The following VCAN variants were observed in gnomAD, a reference collection of about 807,000 sequenced individuals.
The protein encoded by VCAN is versican core protein.
A neutral mutation model predicts 245.5 loss-of-function variants in VCAN; 44 were observed. The observed-to-expected ratio is 0.18, with a 90% confidence interval of 0.14 to 0.23. The LOEUF is 0.23. Ranked by LOEUF, VCAN falls within the 10% of genes least tolerant of loss-of-function variation. The pLI is 1.00. For synonymous variants in VCAN, 1,413 were observed against 1,437.0 expected, an observed-to-expected ratio of 0.98 and a Z score of 0.38; for missense variants, 3,793 against 4,057.9, an observed-to-expected ratio of 0.93 and a Z score of 1.77.
intron 5 of VCAN, among the ~76,000 whole-genome samples, chr5:83,509,545 A>T (rs115781605): frequency 2.4e-4 from 37 of 152,296 alleles, no homozygotes; most frequent in African/African-American, 8.9e-4. Flanking sequence ...AATTAATTAT[A>T]TTTCTTTGCC....
chr5:83,500,454 G>A (rs1425806282), intron 5 of VCAN, among the ~76,000 whole-genome samples: 1 of 152,178 alleles, frequency 6.6e-6, no homozygotes, highest in Non-Finnish European at 1.5e-5. Flanking sequence ...TCCTTATACA[G>A]TGTAGTGACT....
At chr5:83,477,994 G>A (rs1744459789) in intron 1 of VCAN, among the ~76,000 whole-genome samples, 1 of 148,690 alleles carries the variant, frequency 6.7e-6, no homozygotes, top group Non-Finnish European at 1.5e-5. Context: ...TCAGGTTGGA[G>A]TGCAGTGGCA....
rs1421439408 is a variant in VCAN, at chr5:83,580,888, C to T, written c.*454C>T. 4.6e-6 allele frequency: 1 copy of T among 217,336 alleles called. No homozygotes were observed. Among genetic ancestry groups the T allele is most frequent in the Non-Finnish European group, 9.3e-6 (1 of 107,570 alleles). 13.5% of individuals were successfully genotyped at this position (217,336 alleles called of 1,614,324 possible). ...TAGAGGTCTTTAATCATTGGTTCGG[C>T]TGCTTTTATGTAGTTTAGGCTGGAA... On this transcript the variant is annotated 3_prime_UTR_variant, in exon 15 of 15. Coordinates refer to ENST00000265077, the MANE Select transcript of VCAN (RefSeq NM_004385.5).
intron 1 of VCAN, among the ~76,000 whole-genome samples, chr5:83,480,027 C>A (rs1266609835): frequency 1.3e-5 from 2 of 152,268 alleles, no homozygotes; most frequent in East Asian, 3.9e-4. Context: ...CATGATCAGC[C>A]AGCTGAAATA....
chr5:83,569,453 T>C (rs911969781), intron 12 of VCAN, among the ~76,000 whole-genome samples: 3 of 152,186 alleles, frequency 2.0e-5, no homozygotes, highest in African/African-American at 7.2e-5. Flanking sequence ...AAACATAGTT[T>C]CTGGCACTGA....
intron 12 of VCAN, among the ~76,000 whole-genome samples, chr5:83,558,088 C>T (rs2112477279): frequency 6.6e-6 from 1 of 152,250 alleles, no homozygotes; most frequent in Admixed American, 6.6e-5. Context: ...CAACTGATCT[C>T]CTGCCCACTT....
chr5:83,580,695 C>T lies in VCAN; in HGVS notation c.*261C>T. ...ATTTCTTTAGTTTTCTATTTGCCTC[C>T]AGTGCAGTCCATTTCCTAATGTATA... On this transcript the variant is annotated 3_prime_UTR_variant, in exon 15 of 15. Coordinates refer to ENST00000265077, the MANE Select transcript of VCAN (RefSeq NM_004385.5). The T allele has an allele frequency of 2.2e-6, 1 of 460,522 alleles. No homozygotes were observed. The highest frequency in any genetic ancestry group is 3.9e-6 in the Non-Finnish European group (1 of 253,816). 28.5% of individuals were successfully genotyped at this position (460,522 alleles called of 1,614,324 possible).
At position 83,521,908 on chromosome 5, in the gene VCAN, T is replaced by G; in HGVS notation, c.3602T>G (p.Val1201Gly). The change falls in exon 7 of 15, where the codon GTC becomes GGC. Residue 1201 changes from valine (V) to glycine (G), a missense_variant. Val to Gly is a moderately radical substitution (Grantham distance 109, BLOSUM62 -3). This residue lies in a region of VCAN where 3,182 missense variants were observed against 3,250.3 expected (regional missense o/e 0.98). Transcript: ENST00000265077. ...CTCATAGAATTTTCAACAATCAAAGTCACAGTTCCAAGTGATATTACCACT... is the reference window on the plus strand; with the variant it reads ...CTCATAGAATTTTCAACAATCAAAGGCACAGTTCCAAGTGATATTACCACT... ...TELIEFSTIK[V>G]TVPSDITTAF... The G allele has an allele frequency of 6.2e-7, 1 of 1,614,108 alleles. No individual in the cohort carries two copies. Among genetic ancestry groups the G allele is most frequent in the South Asian group, 1.1e-5 (1 of 91,084 alleles).
At chr5:83,563,039 C>G (rs1226867189) in intron 12 of VCAN, among the ~76,000 whole-genome samples, 1 of 152,096 alleles carries the variant, frequency 6.6e-6, no homozygotes, top group Non-Finnish European at 1.5e-5. Context: ...ATCAGGAGAC[C>G]CCAAGTTAGT....
intron 10 of VCAN, among the ~76,000 whole-genome samples, chr5:83,552,313 G>T (rs533487840): frequency 3.6e-4 from 55 of 152,222 alleles, no homozygotes; most frequent in African/African-American, 1.3e-3. Flanking sequence ...AAATTTGGGT[G>T]GGGGGAGATA....
intron 12 of VCAN, among the ~76,000 whole-genome samples, chr5:83,563,392 G>A (rs1487092715): frequency 6.6e-6 from 1 of 152,092 alleles, no homozygotes; most frequent in Non-Finnish European, 1.5e-5. Flanking sequence ...AATGCCTATT[G>A]TGTACACCAG....
rs1746024253 is a variant in VCAN, at chr5:83,520,160, C to T, written c.1854C>T (p.Ser618=). 2 of 1,613,896 alleles carry T rather than the reference C, an allele frequency of 1.2e-6. No individual in the cohort carries two copies. Among genetic ancestry groups the T allele is most frequent in the African/African-American group, 1.3e-5 (1 of 74,908 alleles). ...PLIMPDNNGS[S]MDDWEERQTS... ...TTATGCCTGATAATAATGGATCATC[C>T]ATGGATGACTGGGAAGAGAGACAAA... Residue 618 remains serine, a synonymous_variant, in exon 7 of 15, where the codon TCC becomes TCT. Coordinates refer to ENST00000265077, the MANE Select transcript of VCAN (RefSeq NM_004385.5).
intron 7 of VCAN, among the ~76,000 whole-genome samples, chr5:83,529,403 AC>A (rs1457889313): frequency 2.6e-5 from 4 of 151,602 alleles, no homozygotes; most frequent in East Asian, 1.9e-4. Flanking sequence ...ACAAATAAAA[AC>A]CCAACACACT....
intron 7 of VCAN, chr5:83,531,294 G>C (rs553974698): frequency 1.3e-5 from 2 of 152,158 alleles, no homozygotes; most frequent in Admixed American, 6.6e-5. Flanking sequence ...TAAGTACCAT[G>C]AGTGGCTTTT....
intron 1 of VCAN, among the ~76,000 whole-genome samples, chr5:83,477,793 A>G (rs1157080618): frequency 6.6e-6 from 1 of 152,148 alleles, no homozygotes; most frequent in Non-Finnish European, 1.5e-5. Flanking sequence ...AGCAAAAATT[A>G]TGTACAGGTA....
chr5:83,478,998 G>A (rs1275571357), intron 1 of VCAN, among the ~76,000 whole-genome samples: 1 of 152,114 alleles, frequency 6.6e-6, no homozygotes, highest in Non-Finnish European at 1.5e-5. Context: ...AGTGCTAAGG[G>A]GCGACAATGT....
Position 83,539,018 on chromosome 5 carries a change from A to C in VCAN, c.6015A>C (p.Thr2005=). The C allele has an allele frequency of 6.2e-7, 1 of 1,613,988 alleles. No homozygotes were observed. Among genetic ancestry groups the C allele is most frequent in the Non-Finnish European group, 8.5e-7 (1 of 1,179,950 alleles). The change falls in exon 8 of 15, where the codon ACA becomes ACC. Residue 2005 remains threonine, a synonymous_variant. Coordinates refer to ENST00000265077, the MANE Select transcript of VCAN (RefSeq NM_004385.5). The part of the protein sequence containing the change: ...STSAFPWEEF[T]SSAEGSGEQL... ...CAGCCTTCCCCTGGGAAGAGTTTAC[A>C]TCCTCAGCTGAGGGCTCAGGTGAGC...
chr5:83,580,306 G>C lies in VCAN; in HGVS notation c.10064-1G>C. On this transcript the variant is annotated splice_acceptor_variant, in intron 14 of 14. Transcript: ENST00000265077. LOFTEE classifies it high-confidence loss of function. ...TTTTTTCTTTCTTTCCTTCCATGTA[G>C]CATCTGCATACCAAAGGACTTATTC... 1 of 1,613,766 alleles carries C rather than the reference G, an allele frequency of 6.2e-7. No individual in the cohort carries two copies. The highest frequency in any genetic ancestry group is 8.5e-7 in the Non-Finnish European group (1 of 1,179,948).
intron 7 of VCAN, among the ~76,000 whole-genome samples, chr5:83,531,124 G>T (rs967799206): frequency 6.6e-6 from 1 of 152,138 alleles, no homozygotes; most frequent in Admixed American, 6.6e-5. Context: ...CATAAATAAT[G>T]TAAGTATTAA....
Sources: allele counts gnomAD v4.1 joint callset (sites outside exome capture counted in the v4.1 genomes callset), GRCh38; gene constraint gnomAD v4.1.1; regional missense constraint gnomAD v4.1.1; transcripts MANE v1.5; gene names NCBI Gene and HGNC (gene_info 2026-07-23, HGNC 2026-07-21).